Variants in CFAP299 observed in about 807,000 individuals in gnomAD.
CFAP299 encodes the protein cilia- and flagella-associated protein 299.
A neutral mutation model predicts 27.0 loss-of-function variants in CFAP299; 21 were observed. The ratio of observed to expected loss-of-function variants is 0.78; its 90% confidence interval spans 0.55 to 1.12. The LOEUF is 1.12. CFAP299 is among the 50% of genes most tolerant of loss of function. CFAP299 has a pLI of 0.00. For synonymous variants in CFAP299, 104 were observed against 98.1 expected (o/e 1.06, Z -0.36); for missense variants, 310 against 276.6 (o/e 1.12, Z -0.86).
intron 2 of CFAP299, among the ~76,000 whole-genome samples, chr4:80,582,641 C>T (rs529822210): frequency 1.3e-3 from 205 of 151,902 alleles, no homozygotes; most frequent in Admixed American, 2.4e-3. Flanking sequence ...AGTTTCGTTT[C>T]CTGCCTTGAT....
chr4:80,900,465 T>C (rs1185290540), intron 4 of CFAP299, among the ~76,000 whole-genome samples: 1 of 152,118 alleles, frequency 6.6e-6, no homozygotes, highest in Admixed American at 6.6e-5. Flanking sequence ...AGCAAATAAT[T>C]TGTCAAGACT....
At chr4:80,373,118 A>G (rs1306951745) in intron 2 of CFAP299, among the ~76,000 whole-genome samples, 2 of 152,050 alleles carry the variant, frequency 1.3e-5, no homozygotes, top group African/African-American at 4.8e-5. Flanking sequence ...GAGTGGCTGC[A>G]TAGACACAGT....
At chr4:80,562,330 G>T (rs184211367) in intron 2 of CFAP299, among the ~76,000 whole-genome samples, 1 of 152,038 alleles carries the variant, frequency 6.6e-6, no homozygotes, top group African/African-American at 2.4e-5. Flanking sequence ...GGGCACCATG[G>T]CTCAAGCTTG....
intron 3 of CFAP299, among the ~76,000 whole-genome samples, chr4:80,866,672 G>A (rs1347180474): frequency 1.3e-5 from 2 of 152,080 alleles, no homozygotes; most frequent in African/African-American, 4.8e-5. Context: ...ATTCTAGAGG[G>A]ACCCGCACTT....
chr4:80,565,841 G>T (rs116774553), intron 2 of CFAP299, among the ~76,000 whole-genome samples: 1 of 152,098 alleles, frequency 6.6e-6, no homozygotes, highest in African/African-American at 2.4e-5. Context: ...TAAAGCAAAT[G>T]AGTTATGTTG....
chr4:80,361,310 A>G (rs1723535036), intron 1 of CFAP299, among the ~76,000 whole-genome samples: 1 of 152,242 alleles, frequency 6.6e-6, no homozygotes, highest in African/African-American at 2.4e-5. Flanking sequence ...AGTAATCTTT[A>G]TTATGCAAAA....
At chr4:80,625,261 T>A (rs1388834768) in intron 3 of CFAP299, among the ~76,000 whole-genome samples, 1 of 151,836 alleles carries the variant, frequency 6.6e-6, no homozygotes, top group Non-Finnish European at 1.5e-5. Flanking sequence ...GGAGTAAAAG[T>A]AGATGGTGTG....
chr4:80,813,756 C>T (rs1729278816), intron 3 of CFAP299, among the ~76,000 whole-genome samples: 1 of 151,914 alleles, frequency 6.6e-6, no homozygotes, highest in South Asian at 2.1e-4. Context: ...ACAAAAATAA[C>T]ACCATCAAAT....
intron 4 of CFAP299, among the ~76,000 whole-genome samples, chr4:80,928,527 C>T (rs1175194079): frequency 3.3e-5 from 5 of 151,992 alleles, no homozygotes; most frequent in African/African-American, 1.2e-4. Context: ...ATCAATAAAG[C>T]TAAAGAGCAT....
At chr4:80,422,746 G>T (rs1161760486) in intron 2 of CFAP299, among the ~76,000 whole-genome samples, 1 of 152,090 alleles carries the variant, frequency 6.6e-6, no homozygotes, top group African/African-American at 2.4e-5. Context: ...GGTGGCACTG[G>T]GGATGAGGCA....
Position 80,411,113 on chromosome 4 carries a change from A to C in CFAP299, c.242+48229A>C, listed in dbSNP as rs148156712. ...CCAGAGATATTTATTTCCTTTGGCT[A>C]TTTGACCCATTATTGGGATAATTGA... On this transcript the variant is annotated intron_variant, in intron 2 of 5. Coordinates refer to ENST00000358105, the MANE Select transcript of CFAP299 (RefSeq NM_152770.3). Among the ~76,000 whole-genome samples, 884 of 152,234 alleles carry C rather than the reference A, an allele frequency of 5.8e-3. 10 individuals carry two copies. The highest frequency in any genetic ancestry group is 0.02 in the African/African-American group (839 of 41,564).
chr4:80,765,261 A>G (rs72866732), intron 3 of CFAP299, among the ~76,000 whole-genome samples: 11,097 of 152,234 alleles, frequency 0.073, 482 homozygotes, highest in Middle Eastern at 0.092. Flanking sequence ...TCTAAAACGT[A>G]TTGTACTCAT....
intron 4 of CFAP299, among the ~76,000 whole-genome samples, chr4:80,881,415 T>A (rs1267345294): frequency 6.6e-6 from 1 of 152,158 alleles, no homozygotes; most frequent in Non-Finnish European, 1.5e-5. Context: ...TGGAAAGGTA[T>A]GCAACAAAGA....
intron 2 of CFAP299, among the ~76,000 whole-genome samples, chr4:80,435,107 T>C (rs2110081593): frequency 6.6e-6 from 1 of 152,284 alleles, no homozygotes; most frequent in South Asian, 2.1e-4. Context: ...TTGAGGACTT[T>C]AAGGGTTGAA....
chr4:80,908,368 T>G (rs1175207944), intron 4 of CFAP299, among the ~76,000 whole-genome samples: 1 of 152,152 alleles, frequency 6.6e-6, no homozygotes, highest in Non-Finnish European at 1.5e-5. Flanking sequence ...TCCCACAGAG[T>G]TTAAACTTTA....
chr4:80,560,935 G>T (rs998125892), intron 2 of CFAP299, among the ~76,000 whole-genome samples: 2 of 152,148 alleles, frequency 1.3e-5, no homozygotes, highest in Non-Finnish European at 2.9e-5. Context: ...TTTGCCACTG[G>T]CTGATTGTAG....
intron 2 of CFAP299, among the ~76,000 whole-genome samples, chr4:80,380,421 CAT>C (rs1491517333): frequency 9.2e-6 from 1 of 109,066 alleles, no homozygotes; most frequent in African/African-American, 3.4e-5. Context: ...TTGTGTCTCA[CAT>C]TTTTTTTTTT....
At chr4:80,606,791 A>T (rs991414548) in intron 3 of CFAP299, among the ~76,000 whole-genome samples, 1 of 151,822 alleles carries the variant, frequency 6.6e-6, no homozygotes, top group Admixed American at 6.6e-5. Flanking sequence ...TGGGTATGCC[A>T]TAATTTTTAA....
At position 80,609,739 on chromosome 4, in the gene CFAP299, T is replaced by TTA. The variant is rs1186854226; in HGVS notation, c.333+26557_333+26558insAT. On this transcript the variant is annotated intron_variant, in intron 3 of 5. Transcript: ENST00000358105. ...AATTGCTATTTTATGTGTAACTGTT[T>TTA]TGGTAGTTCTCTAGTAATACATAGT... Among the ~76,000 whole-genome samples the TTA allele has an allele frequency of 1.4e-4, 22 of 152,074 alleles. 1 individual carries two copies. Among genetic ancestry groups the TTA allele is most frequent in the Non-Finnish European group, 1.5e-4 (10 of 67,940 alleles).
Sources: allele counts gnomAD v4.1 joint callset (sites outside exome capture counted in the v4.1 genomes callset), GRCh38; gene constraint gnomAD v4.1.1; transcripts MANE v1.5; gene names NCBI Gene and HGNC (gene_info 2026-07-23, HGNC 2026-07-21).